KLF8: variants seen among roughly 807,000 people sequenced by gnomAD.
KLF8 encodes the protein KLF transcription factor 8, also known as Krueppel-like factor 8.
KLF8 carries 10 observed loss-of-function variants against 18.2 expected under a neutral mutation model. The ratio of observed to expected loss-of-function variants is 0.55; its 90% CI spans 0.34 to 0.93. KLF8 has a LOEUF of 0.93. KLF8 is among the 40% of genes least tolerant of loss of function. The pLI, the probability that KLF8 is intolerant of heterozygous loss-of-function variation, is 0.02. For synonymous variants in KLF8, 109 were observed against 97.3 expected (o/e 1.12, Z -0.71); for missense variants, 264 against 277.9 (o/e 0.95, Z 0.36).
chrX:55,944,143 G>A, the KLF8 span, among the ~76,000 whole-genome samples: 3 of 110,209 alleles, frequency 2.7e-5, no homozygotes, highest in African/African-American at 9.9e-5. Flanking sequence ...TTATTGATTT[G>A]CGTATATTGA....
the KLF8 span, among the ~76,000 whole-genome samples, chrX:56,219,031 A>G: frequency 3.6e-5 from 4 of 112,288 alleles, no homozygotes; most frequent in African/African-American, 1.3e-4. Flanking sequence ...TTTTTTTAAC[A>G]AGCACACATA....
the KLF8 span, among the ~76,000 whole-genome samples, chrX:56,134,211 G>A: frequency 1.8e-5 from 2 of 111,150 alleles, no homozygotes; most frequent in Non-Finnish European, 3.8e-5. Context: ...CATAGCCAAA[G>A]TAAAACTAAG....
At chrX:56,163,941 T>C in the KLF8 span, among the ~76,000 whole-genome samples, 2 of 111,542 alleles carry the variant, frequency 1.8e-5, no homozygotes, top group Non-Finnish European at 3.8e-5. Context: ...TACTCTATTC[T>C]GTTCCACTGG....
intron 1 of KLF8, among the ~76,000 whole-genome samples, chrX:56,237,392 T>C (rs895535635): frequency 3.7e-5 from 4 of 109,287 alleles, no homozygotes; most frequent in Non-Finnish European, 7.6e-5. Context: ...GTTTCTATTA[T>C]ATATATATGT....
the KLF8 span, among the ~76,000 whole-genome samples, chrX:56,091,600 A>G: frequency 9.0e-6 from 1 of 110,974 alleles, no homozygotes; most frequent in African/African-American, 3.3e-5. Context: ...AGGTTCAAGC[A>G]AATCTCCTGC....
chrX:56,229,376 C>G (rs929200985), upstream of KLF8, among the ~76,000 whole-genome samples: 1 of 112,187 alleles, frequency 8.9e-6, no homozygotes, highest in Non-Finnish European at 1.9e-5. Context: ...TTCAAGCAGT[C>G]TCCCTCACGC....
chrX:56,278,448 A>G (rs1043538788), intron 5 of KLF8, among the ~76,000 whole-genome samples: 7 of 111,003 alleles, frequency 6.3e-5, no homozygotes, highest in Non-Finnish European at 1.3e-4. Flanking sequence ...AATGTCATCC[A>G]TGAGCTAGGT....
At chrX:56,180,466 G>C in the KLF8 span, among the ~76,000 whole-genome samples, 1 of 110,459 alleles carries the variant, frequency 9.1e-6, no homozygotes, top group African/African-American at 3.3e-5. Context: ...ATCTCCTTCA[G>C]TTCTGCCCTG....
At chrX:56,259,212 C>T (rs1602439578) in intron 2 of KLF8, among the ~76,000 whole-genome samples, 1 of 110,115 alleles carries the variant, frequency 9.1e-6, no homozygotes, top group Non-Finnish European at 1.9e-5. Context: ...TCTCTCTCTC[C>T]CCCCATTTTA....
At chrX:55,927,734 G>C in the KLF8 span, among the ~76,000 whole-genome samples, 1 of 111,746 alleles carries the variant, frequency 8.9e-6, no homozygotes, top group African/African-American at 3.2e-5. Flanking sequence ...TCATTCATTT[G>C]CCTTTTTATA....
chrX:56,063,574 G>T, the KLF8 span, among the ~76,000 whole-genome samples: 3 of 111,656 alleles, frequency 2.7e-5, no homozygotes, highest in East Asian at 8.4e-4. Flanking sequence ...GGCAGCCAGA[G>T]CTCTCCTGTA....
In KLF8 at chrX:56,265,951, A is replaced by C. The variant is rs958013033; in HGVS notation, c.646+207A>C. 2.8e-4 allele frequency: 276 copies of C among 995,326 alleles called. 1 individual carries two copies. Among genetic ancestry groups the C allele is most frequent in the Non-Finnish European group, 3.3e-4 (257 of 786,900 alleles). 82.0% of individuals were successfully genotyped at this position (995,326 alleles called of 1,213,427 possible). A position where few individuals can be genotyped will look rare whatever the true frequency, so the allele number is the denominator to read the frequency against. ...AGACCATGCTTCTCAAACAAGTACA[A>C]GTATGCATATCTATCAGTGACATAT... On this transcript the variant is annotated intron_variant, in intron 3 of 5. Transcript: ENST00000468660.
At chrX:56,216,413 T>C in the KLF8 span, among the ~76,000 whole-genome samples, 1 of 111,206 alleles carries the variant, frequency 9.0e-6, no homozygotes, top group Non-Finnish European at 1.9e-5. Context: ...CAGCTTGGAG[T>C]GCTGCATGAT....
chrX:56,238,897 T>G (rs1192520502), intron 1 of KLF8, among the ~76,000 whole-genome samples: 1 of 112,332 alleles, frequency 8.9e-6, no homozygotes, highest in Non-Finnish European at 1.9e-5. Flanking sequence ...GCTGAGGTGA[T>G]AGTGGTAAAC....
At chrX:56,217,109 G>C in the KLF8 span, among the ~76,000 whole-genome samples, 1 of 112,100 alleles carries the variant, frequency 8.9e-6, no homozygotes, top group African/African-American at 3.2e-5. Flanking sequence ...GTGAATATGT[G>C]CATGACTGTT....
the KLF8 span, among the ~76,000 whole-genome samples, chrX:56,005,046 T>G: frequency 9.3e-6 from 1 of 107,911 alleles, no homozygotes; most frequent in African/African-American, 3.4e-5. Flanking sequence ...ATTATTATTA[T>G]TATTATTATT....
chrX:56,147,193 G>A, the KLF8 span, among the ~76,000 whole-genome samples: 1 of 112,372 alleles, frequency 8.9e-6, no homozygotes, highest in Non-Finnish European at 1.9e-5. Context: ...TCATAGGGCA[G>A]GATTTGAAGA....
chrX:56,076,171 C>T, the KLF8 span, among the ~76,000 whole-genome samples: 113 of 107,538 alleles, frequency 1.1e-3, no homozygotes, highest in African/African-American at 3.7e-3. Context: ...TGAAGTTTTA[C>T]GGTACATGTG....
chrX:56,119,832 A>T, the KLF8 span, among the ~76,000 whole-genome samples: 1 of 108,194 alleles, frequency 9.2e-6, no homozygotes, highest in African/African-American at 3.4e-5. Flanking sequence ...GCCTGCAAGC[A>T]GAAGAATGGG....
Sources: allele counts gnomAD v4.1 joint callset (sites outside exome capture counted in the v4.1 genomes callset), GRCh38; gene constraint gnomAD v4.1.1; transcripts MANE v1.5; gene names NCBI Gene and HGNC (gene_info 2026-07-23, HGNC 2026-07-21).